Variants in F9 observed in about 807,000 individuals in gnomAD.
The protein encoded by F9 is Christmas factor.
A neutral mutation model predicts 34.1 loss-of-function variants in F9; 2 were observed. The observed-to-expected ratio is 0.06, with a 90% CI of 0.02 to 0.18. The LOEUF (loss-of-function observed/expected upper bound fraction) is 0.18, where lower values mean the gene tolerates loss of function less well. Ranked by LOEUF, F9 falls within the 10% of genes least tolerant of loss-of-function variation. The pLI, the probability that F9 is intolerant of heterozygous loss-of-function variation, is 1.00. For missense variants in F9, 216 were observed against 345.1 expected, an observed-to-expected ratio of 0.63 and a Z score of 2.96; for synonymous variants, 137 against 118.8, an observed-to-expected ratio of 1.15 and a Z score of -1.00.
chrX:139,547,572 C>T (rs1927745108), intron 4 of F9: 1 of 110,987 alleles, frequency 9.0e-6, no homozygotes, highest in Non-Finnish European at 1.9e-5. Context: ...CCAGTAATTA[C>T]ACTCATAATT....
chrX:139,541,218 G>T (rs755062115), intron 4 of F9, 29 bp downstream of exon 4: 1 of 1,017,357 alleles, frequency 9.8e-7, no homozygotes, highest in Non-Finnish European at 1.4e-6. Context: ...AATACTCATG[G>T]TTCAAAGTTT....
chrX:139,552,020 C>T (rs1279285363), intron 6 of F9, among the ~76,000 whole-genome samples: 1 of 109,011 alleles, frequency 9.2e-6, no homozygotes, highest in Non-Finnish European at 1.9e-5. Context: ...CGAAACCCCA[C>T]CTCTAATTAA....
At chrX:139,556,234 G>A (rs1927965370) in intron 6 of F9, among the ~76,000 whole-genome samples, 1 of 111,962 alleles carries the variant, frequency 8.9e-6, no homozygotes, top group African/African-American at 3.3e-5. Flanking sequence ...ATATTAAGTT[G>A]TAGCATATGC....
intron 4 of F9, 84 bp from the exon 5 acceptor site, chrX:139,548,279 A>C (rs942828493): frequency 1.9e-6 from 2 of 1,039,452 alleles, no homozygotes; most frequent in African/African-American, 3.7e-5. Context: ...TGTATATTTG[A>C]CCCATACATG....
At chrX:139,535,827 A>G (rs1316633561) in intron 1 of F9, among the ~76,000 whole-genome samples, 2 of 111,168 alleles carry the variant, frequency 1.8e-5, no homozygotes, top group African/African-American at 6.6e-5. Flanking sequence ...TCATTAAGCA[A>G]TTTCATCATT....
rs1203436364 is a variant in F9, at chrX:139,562,798, G to A, written c.*727G>A. The A allele has an allele frequency of 9.4e-6, 1 of 106,683 alleles. No homozygotes were observed. The highest frequency in any genetic ancestry group is 3.4e-5 in the African/African-American group (1 of 29,372). 8.8% of individuals were successfully genotyped at this position (106,683 alleles called of 1,213,427 possible). On this transcript the variant is annotated 3_prime_UTR_variant, in exon 8 of 8. Transcript: ENST00000218099. ...TTTTCAGAACATAGGGATGAAGTAAGGTGCCTGAAAAGTTTGGGGGAAAAG... is the reference window on the plus strand; with the variant it reads ...TTTTCAGAACATAGGGATGAAGTAAAGTGCCTGAAAAGTTTGGGGGAAAAG...
chrX:139,533,981 G>A (rs1445489602), intron 1 of F9, among the ~76,000 whole-genome samples: 1 of 112,055 alleles, frequency 8.9e-6, no homozygotes, highest in Non-Finnish European at 1.9e-5. Flanking sequence ...AACCAGAATA[G>A]AGTGATTATT....
chrX:139,549,845 C>G (rs770570145), intron 5 of F9, among the ~76,000 whole-genome samples: 1 of 112,013 alleles, frequency 8.9e-6, no homozygotes, highest in Non-Finnish European at 1.9e-5. Context: ...AAACCAGAAG[C>G]TAGGAATATA....
At chrX:139,553,987 G>C (rs944988376) in intron 6 of F9, among the ~76,000 whole-genome samples, 1 of 109,554 alleles carries the variant, frequency 9.1e-6, no homozygotes, top group African/African-American at 3.3e-5. Context: ...CATCATTTCC[G>C]TTTCTCACCC....
chrX:139,549,103 C>G (rs766250910), intron 5 of F9, among the ~76,000 whole-genome samples: 8 of 111,641 alleles, frequency 7.2e-5, no homozygotes, highest in Non-Finnish European at 1.5e-4. Context: ...TTCAGAACAT[C>G]TCCACTCCAT....
chrX:139,550,760 A>C (rs1157031231), intron 5 of F9, among the ~76,000 whole-genome samples: 1 of 112,022 alleles, frequency 8.9e-6, no homozygotes, highest in African/African-American at 3.2e-5. Context: ...AACTAAACAC[A>C]AAGTCATTAG....
At chrX:139,539,620 G>T (rs1927558760) in intron 3 of F9, among the ~76,000 whole-genome samples, 1 of 112,517 alleles carries the variant, frequency 8.9e-6, no homozygotes, top group Admixed American at 9.4e-5. Context: ...TGAAAGCCCA[G>T]ACCCTTTCAG....
chrX:139,555,583 G>T (rs1420136187), intron 6 of F9, among the ~76,000 whole-genome samples: 1 of 112,762 alleles, frequency 8.9e-6, no homozygotes, highest in Non-Finnish European at 1.9e-5. Context: ...GACAGGAACG[G>T]CGTGAGGCCA....
Position 139,532,143 on chromosome X carries a change from T to A in F9, c.88+1291T>A, listed in dbSNP as rs780564890. On this transcript the variant is annotated intron_variant, in intron 1 of 7. Transcript: ENST00000218099. ...CAGGCTTTTGGAGCCTGGGAAATAATGACTAGCGATAAACCTGAAGGGAAG... is the reference window on the plus strand; with the variant it reads ...CAGGCTTTTGGAGCCTGGGAAATAAAGACTAGCGATAAACCTGAAGGGAAG... Among the ~76,000 whole-genome samples, 29 of 111,589 alleles carry A rather than the reference T, an allele frequency of 2.6e-4. 1 individual carries two copies. Among genetic ancestry groups the A allele is most frequent in the Non-Finnish European group, 3.8e-4 (20 of 53,069 alleles).
intron 7 of F9, among the ~76,000 whole-genome samples, 188 bp downstream of exon 7, chrX:139,561,043 T>C (rs945062091): frequency 1.8e-5 from 2 of 111,570 alleles, no homozygotes; most frequent in African/African-American, 6.5e-5. Context: ...TATACCCCTA[T>C]TATCACTCAT....
intron 2 of F9, 88 bp from the exon 3 acceptor site, chrX:139,537,274 A>G (rs1927504312): frequency 2.7e-6 from 3 of 1,093,755 alleles, no homozygotes; most frequent in Non-Finnish European, 3.8e-6. Flanking sequence ...ATATATATTT[A>G]TGTATGTTAA....
At chrX:139,535,470 T>G (rs1328888514) in intron 1 of F9, among the ~76,000 whole-genome samples, 1 of 111,935 alleles carries the variant, frequency 8.9e-6, no homozygotes, top group Non-Finnish European at 1.9e-5. Flanking sequence ...ACTAGAACAC[T>G]CCATAAAGTG....
At chrX:139,536,764 T>C (rs1222513496) in intron 1 of F9, among the ~76,000 whole-genome samples, 1 of 112,170 alleles carries the variant, frequency 8.9e-6, no homozygotes, top group Non-Finnish European at 1.9e-5. Context: ...TAAATTCAAA[T>C]ATGATTAGAA....
intron 6 of F9, among the ~76,000 whole-genome samples, chrX:139,552,028 T>TA (rs949530891): frequency 1.8e-5 from 2 of 109,684 alleles, no homozygotes; most frequent in African/African-American, 6.7e-5. Context: ...CACCTCTAAT[T>TA]AAAAAAAATA....
Sources: gnomAD v4.1 joint callset for allele counts (sites outside exome capture counted in the v4.1 genomes callset) on GRCh38, gnomAD v4.1.1 for gene constraint, MANE v1.5 for transcripts, NCBI Gene and HGNC (gene_info 2026-07-23, HGNC 2026-07-21) for gene names.